The following HS6ST3 variants were observed in gnomAD, a reference collection of about 807,000 sequenced individuals.
HS6ST3 encodes heparan-sulfate 6-O-sulfotransferase 3.
In HS6ST3, 12 loss-of-function variants were observed where a neutral mutation model predicts 36.7. That is an observed-to-expected ratio of 0.33 (90% CI 0.21 to 0.53). The LOEUF is 0.53. HS6ST3 is among the 20% of genes least tolerant of loss of function. The probability of loss-of-function intolerance (pLI) is 0.95; values close to 1 mark genes in which losing one functional copy is unlikely to be tolerated. For synonymous variants in HS6ST3, 240 were observed against 257.5 expected, an observed-to-expected ratio of 0.93 and a Z score of 0.65; for missense variants, 584 against 640.9, an observed-to-expected ratio of 0.91 and a Z score of 0.96.
chr13:96,694,044 G>A (rs1274227861), intron 1 of HS6ST3, among the ~76,000 whole-genome samples: 1 of 151,896 alleles, frequency 6.6e-6, no homozygotes, highest in African/African-American at 2.4e-5. Context: ...TAAATTCAGG[G>A]GTACATGTGC....
At chr13:96,482,324 T>A (rs1160827852) in intron 1 of HS6ST3, among the ~76,000 whole-genome samples, 3 of 152,234 alleles carry the variant, frequency 2.0e-5, no homozygotes, top group African/African-American at 7.2e-5. Flanking sequence ...GGAGGCTGAA[T>A]GAGAGACTGG....
At chr13:96,562,009 C>T (rs1198558460) in intron 1 of HS6ST3, among the ~76,000 whole-genome samples, 1 of 152,150 alleles carries the variant, frequency 6.6e-6, no homozygotes, top group East Asian at 1.9e-4. Flanking sequence ...CCATTTGACC[C>T]AGCAATCCCA....
intron 1 of HS6ST3, among the ~76,000 whole-genome samples, chr13:96,611,498 C>G (rs1187191553): frequency 6.6e-6 from 1 of 152,110 alleles, no homozygotes; most frequent in Non-Finnish European, 1.5e-5. Context: ...AAGATATGAC[C>G]TCTACCTTCA....
At chr13:96,566,168 A>G (rs1431232698) in intron 1 of HS6ST3, among the ~76,000 whole-genome samples, 1 of 152,072 alleles carries the variant, frequency 6.6e-6, no homozygotes, top group Non-Finnish European at 1.5e-5. Context: ...CCAGAAAAAA[A>G]GATAAAGGAT....
chr13:96,123,248 A>T (rs1311382920), intron 1 of HS6ST3, among the ~76,000 whole-genome samples: 1 of 152,222 alleles, frequency 6.6e-6, no homozygotes, highest in Non-Finnish European at 1.5e-5. Flanking sequence ...AATGCTTAAC[A>T]ATCCTTGAGT....
chr13:96,734,600 G>A lies in HS6ST3; in HGVS notation c.708-97890G>A, dbSNP rs570526960. Among the ~76,000 whole-genome samples, 12 of 151,908 alleles carry A rather than the reference G, an allele frequency of 7.9e-5. 1 individual carries two copies. The highest frequency in any genetic ancestry group is 2.9e-4 in the African/African-American group (12 of 41,348). ...CTCAGAAATAGATTAAATATACACA[G>A]CATTTTAAATGACATTTTTACATTG... On this transcript the variant is annotated intron_variant, in intron 1 of 1. Coordinates refer to ENST00000376705, the MANE Select transcript of HS6ST3 (RefSeq NM_153456.4).
At chr13:96,206,889 A>G (rs1421245482) in intron 1 of HS6ST3, among the ~76,000 whole-genome samples, 2 of 152,206 alleles carry the variant, frequency 1.3e-5, no homozygotes, top group African/African-American at 4.8e-5. Flanking sequence ...CATTCAGGAC[A>G]TAGGCATGGG....
At chr13:96,773,799 G>A (rs1223270768) in intron 1 of HS6ST3, among the ~76,000 whole-genome samples, 1 of 152,192 alleles carries the variant, frequency 6.6e-6, no homozygotes, top group Non-Finnish European at 1.5e-5. Flanking sequence ...GAGAGCAGAG[G>A]ATCTTCCAGC....
chr13:96,612,348 T>C (rs765562881), intron 1 of HS6ST3, among the ~76,000 whole-genome samples: 1 of 151,970 alleles, frequency 6.6e-6, no homozygotes, highest in Non-Finnish European at 1.5e-5. Context: ...TTTATTAGGG[T>C]CATTTATTGT....
chr13:96,321,003 G>T (rs1277684005), intron 1 of HS6ST3, among the ~76,000 whole-genome samples: 1 of 152,106 alleles, frequency 6.6e-6, no homozygotes, highest in East Asian at 1.9e-4. Context: ...CATGCAGGAA[G>T]CATGATTTTC....
chr13:96,317,093 G>T (rs2054973825), intron 1 of HS6ST3, among the ~76,000 whole-genome samples: 2 of 151,786 alleles, frequency 1.3e-5, no homozygotes, highest in Non-Finnish European at 2.9e-5. Context: ...CCAATAGGTA[G>T]TTTTTCAGCC....
intron 1 of HS6ST3, among the ~76,000 whole-genome samples, chr13:96,263,055 A>C (rs1212279676): frequency 6.6e-6 from 1 of 152,204 alleles, no homozygotes; most frequent in Non-Finnish European, 1.5e-5. Flanking sequence ...CAAAACAAAA[A>C]TTTGAAATTA....
chr13:96,490,428 T>C (rs571504541), intron 1 of HS6ST3, among the ~76,000 whole-genome samples: 1 of 152,124 alleles, frequency 6.6e-6, no homozygotes, highest in South Asian at 2.1e-4. Context: ...GGTTCATAAA[T>C]AAAAATAAAT....
At chr13:96,478,921 C>A (rs1464884461) in intron 1 of HS6ST3, among the ~76,000 whole-genome samples, 1 of 152,150 alleles carries the variant, frequency 6.6e-6, no homozygotes, top group African/African-American at 2.4e-5. Flanking sequence ...CTGTCCTATA[C>A]CTTTGGAATA....
At chr13:96,732,622 G>T (rs1031894071) in intron 1 of HS6ST3, among the ~76,000 whole-genome samples, 1 of 151,846 alleles carries the variant, frequency 6.6e-6, no homozygotes, top group Non-Finnish European at 1.5e-5. Context: ...AGATCAGTTG[G>T]CTATTCAGGG....
chr13:96,443,249 G>T (rs2055681642), intron 1 of HS6ST3, among the ~76,000 whole-genome samples: 1 of 151,788 alleles, frequency 6.6e-6, no homozygotes. Flanking sequence ...AAGCAGACTA[G>T]GCCGGGTGCG....
chr13:96,819,273 GA>G (rs927354843), intron 1 of HS6ST3, among the ~76,000 whole-genome samples: 1 of 151,996 alleles, frequency 6.6e-6, no homozygotes, highest in Non-Finnish European at 1.5e-5. Context: ...ACTGCCATCA[GA>G]AAAAAAGAGA....
intron 1 of HS6ST3, among the ~76,000 whole-genome samples, chr13:96,266,973 G>T (rs1594737654): frequency 6.6e-6 from 1 of 152,176 alleles, no homozygotes; most frequent in East Asian, 1.9e-4. Context: ...ATCTTGAATT[G>T]TGGTTCCCAT....
At chr13:96,274,064 G>A (rs1401189041) in intron 1 of HS6ST3, among the ~76,000 whole-genome samples, 1 of 148,812 alleles carries the variant, frequency 6.7e-6, no homozygotes, top group African/African-American at 2.5e-5. Context: ...CTTTCTTTCA[G>A]ACAGGGTTTT....
Sources: gnomAD v4.1 joint callset for allele counts (sites outside exome capture counted in the v4.1 genomes callset) on GRCh38, gnomAD v4.1.1 for gene constraint, MANE v1.5 for transcripts, NCBI Gene and HGNC (gene_info 2026-07-23, HGNC 2026-07-21) for gene names.